The following ATG10 variants were observed in gnomAD, a reference collection of about 807,000 sequenced individuals.
ATG10 encodes the protein autophagy related 10.
Under a neutral mutation model 32.1 loss-of-function variants are expected in ATG10, and 30 were observed. That is an observed-to-expected ratio of 0.94 (90% CI 0.70 to 1.27). The LOEUF is 1.27. Among genes scored for constraint, ATG10 ranks in the 50% most tolerant of loss-of-function variants. ATG10 has a pLI of 0.00. For synonymous variants in ATG10, 87 were observed against 91.5 expected (o/e 0.95, Z 0.28); for missense variants, 233 against 262.3 (o/e 0.89, Z 0.77).
intron 3 of ATG10, among the ~76,000 whole-genome samples, chr5:82,110,899 A>T (rs1448992819): frequency 6.6e-6 from 1 of 152,068 alleles, no homozygotes; most frequent in Non-Finnish European, 1.5e-5. Flanking sequence ...AAGAAACTAA[A>T]GGTACCTAAT....
intron 2 of ATG10, among the ~76,000 whole-genome samples, chr5:82,025,675 A>G (rs1193497568): frequency 6.6e-6 from 1 of 152,234 alleles, no homozygotes; most frequent in Non-Finnish European, 1.5e-5. Context: ...ACAGAAACTT[A>G]TAGCAGTTGA....
intron 5 of ATG10, among the ~76,000 whole-genome samples, chr5:82,212,995 T>C (rs938522576): frequency 6.6e-6 from 1 of 152,220 alleles, no homozygotes; most frequent in Non-Finnish European, 1.5e-5. Context: ...TTTTATGGTA[T>C]CTCAAACTTT....
chr5:82,094,035 C>T (rs755104402), intron 3 of ATG10, among the ~76,000 whole-genome samples: 5 of 152,040 alleles, frequency 3.3e-5, no homozygotes, highest in African/African-American at 9.7e-5. Flanking sequence ...ACACATGAGC[C>T]GATCTGTACT....
intron 3 of ATG10, among the ~76,000 whole-genome samples, chr5:82,143,527 G>A (rs990892308): frequency 1.3e-5 from 2 of 152,260 alleles, no homozygotes; most frequent in African/African-American, 2.4e-5. Context: ...CACTCTAAAT[G>A]TTTGTGAACA....
intron 4 of ATG10, among the ~76,000 whole-genome samples, chr5:82,166,254 C>A (rs1357442918): frequency 6.6e-6 from 1 of 152,148 alleles, no homozygotes; most frequent in African/African-American, 2.4e-5. Context: ...TATTTGTATA[C>A]TTTTACAATG....
Position 82,044,672 on chromosome 5 carries a change from T to G in ATG10, c.109-13823T>G, listed in dbSNP as rs984973600. Among the ~76,000 whole-genome samples, 3 of 152,188 alleles carry G rather than the reference T, an allele frequency of 2.0e-5. No individual in the cohort carries two copies. The East Asian group carries it at 5.8e-4, about 29-fold the overall frequency. ...GAACAGCGTTTAGACTAGGTCTGAT[T>G]TGGACCACAGCTAAGGCATTTACTT... On this transcript the variant is annotated intron_variant, in intron 2 of 7. Transcript: ENST00000282185.
At chr5:82,086,089 G>C (rs1229683818) in intron 3 of ATG10, among the ~76,000 whole-genome samples, 2 of 152,050 alleles carry the variant, frequency 1.3e-5, no homozygotes, top group African/African-American at 4.8e-5. Context: ...AGTAAAAGGT[G>C]TTTGATTGAC....
At chr5:82,136,170 C>G (rs190086927) in intron 3 of ATG10, among the ~76,000 whole-genome samples, 19 of 152,230 alleles carry the variant, frequency 1.2e-4, no homozygotes, top group African/African-American at 4.3e-4. Context: ...GGTCTTGACT[C>G]TTTATCCAAT....
At chr5:82,186,646 T>A (rs1180433815) in intron 5 of ATG10, among the ~76,000 whole-genome samples, 1 of 146,438 alleles carries the variant, frequency 6.8e-6, no homozygotes, top group African/African-American at 2.5e-5. Context: ...CAGGCTGGAG[T>A]GCAGTGACAT....
At chr5:82,007,010 T>A (rs1762002489) in intron 2 of ATG10, among the ~76,000 whole-genome samples, 1 of 152,074 alleles carries the variant, frequency 6.6e-6, no homozygotes, top group Non-Finnish European at 1.5e-5. Context: ...CGTGCCACCA[T>A]GCCCAGCTAA....
chr5:82,238,332 T>C (rs2150015139), intron 5 of ATG10, among the ~76,000 whole-genome samples: 1 of 152,238 alleles, frequency 6.6e-6, no homozygotes, highest in East Asian at 1.9e-4. Context: ...GCAGTCCTAT[T>C]ACCACGCCCC....
chr5:82,162,082 T>TATAA (rs1743373673), intron 3 of ATG10, among the ~76,000 whole-genome samples: 1 of 152,130 alleles, frequency 6.6e-6, no homozygotes, highest in African/African-American at 2.4e-5. Flanking sequence ...TGTGTGTATA[T>TATAA]ATGTATATAT....
intron 3 of ATG10, among the ~76,000 whole-genome samples, chr5:82,156,274 G>C (rs1767795100): frequency 6.6e-6 from 1 of 152,152 alleles, no homozygotes; most frequent in South Asian, 2.1e-4. Context: ...GACTACAAAA[G>C]TAAAGAATCA....
chr5:82,093,906 G>C (rs1026070438), intron 3 of ATG10, among the ~76,000 whole-genome samples: 1 of 152,146 alleles, frequency 6.6e-6, no homozygotes, highest in Non-Finnish European at 1.5e-5. Context: ...ACTTTGCTCA[G>C]TGCCCCATGA....
chr5:82,022,475 C>T (rs1762470641), intron 2 of ATG10, among the ~76,000 whole-genome samples: 1 of 150,876 alleles, frequency 6.6e-6, no homozygotes. Flanking sequence ...ATTACAGGTA[C>T]CCACAATGCC....
chr5:82,108,451 T>C (rs992758260), intron 3 of ATG10, among the ~76,000 whole-genome samples: 1 of 151,878 alleles, frequency 6.6e-6, no homozygotes, highest in South Asian at 2.1e-4. Context: ...ATATCATATA[T>C]GTATATATGT....
chr5:82,155,828 A>T (rs2149887874), intron 3 of ATG10, among the ~76,000 whole-genome samples: 1 of 152,292 alleles, frequency 6.6e-6, no homozygotes, highest in African/African-American at 2.4e-5. Context: ...AGTTTCACAG[A>T]TTGGTGGTTA....
At chr5:82,252,430 A>G (rs1747290858) in intron 5 of ATG10, 132 bp from the exon 6 acceptor site, 1 of 643,730 alleles carries the variant, frequency 1.6e-6, no homozygotes, top group African/African-American at 1.9e-5. Flanking sequence ...AAAATAGAAA[A>G]TAAACCTGTA....
At chr5:82,149,183 A>G (rs962426132) in intron 3 of ATG10, among the ~76,000 whole-genome samples, 113 of 152,008 alleles carry the variant, frequency 7.4e-4, no homozygotes, top group African/African-American at 2.5e-3. Context: ...CTTGCTTATC[A>G]TATTGGCAAC....
Sources: gnomAD v4.1 joint callset for allele counts (sites outside exome capture counted in the v4.1 genomes callset) on GRCh38, gnomAD v4.1.1 for gene constraint, MANE v1.5 for transcripts, NCBI Gene and HGNC (gene_info 2026-07-23, HGNC 2026-07-21) for gene names.